The following CARM1 variants were observed in gnomAD, a reference collection of about 807,000 sequenced individuals.
CARM1 encodes coactivator associated arginine methyltransferase 1.
A neutral mutation model predicts 72.7 loss-of-function variants in CARM1; 14 were observed. The ratio of observed to expected loss-of-function variants is 0.19; its 90% CI spans 0.13 to 0.30. The LOEUF is 0.30. Ranked by LOEUF, CARM1 falls within the 10% of genes least tolerant of loss-of-function variation. CARM1 has a pLI of 1.00. For synonymous variants in CARM1, 333 were observed against 345.5 expected (o/e 0.96, Z 0.40); for missense variants, 432 against 833.7 (o/e 0.52, Z 5.93).
At chr19:10,872,489 C>A (rs2073827077) in intron 1 of CARM1, among the ~76,000 whole-genome samples, 1 of 152,092 alleles carries the variant, frequency 6.6e-6, no homozygotes, top group Non-Finnish European at 1.5e-5. Flanking sequence ...TGGGAAACTT[C>A]AGGATCTGGG....
At chr19:10,887,270 C>T (rs967752015) in intron 1 of CARM1, among the ~76,000 whole-genome samples, 9 of 152,232 alleles carry the variant, frequency 5.9e-5, no homozygotes, top group African/African-American at 2.2e-4. Flanking sequence ...CCTGTGTCAC[C>T]GTGTTGGCCA....
intron 1 of CARM1, among the ~76,000 whole-genome samples, chr19:10,878,836 G>A (rs2073881516): frequency 6.8e-6 from 1 of 146,052 alleles, no homozygotes; most frequent in African/African-American, 2.6e-5. Flanking sequence ...ATGGTGTCTC[G>A]CTCTGTTGCC....
chr19:10,905,479 C>T (rs2074096393), intron 2 of CARM1, among the ~76,000 whole-genome samples: 1 of 152,110 alleles, frequency 6.6e-6, no homozygotes. Context: ...AGGGCTTAAC[C>T]AACCCACCTT....
In CARM1 at chr19:10,904,891, G is replaced by A. The variant is rs77517338; in HGVS notation, c.221-60G>A. 7.0e-4 allele frequency: 1,114 copies of A among 1,588,516 alleles called. 5 individuals are homozygous for A. The African/African-American group carries it at 0.013, about 19-fold the overall frequency. On this transcript the variant is annotated intron_variant, in intron 1 of 15. Transcript: ENST00000327064. ...CAGCAGGAGGGCGACAGGGACCCAG[G>A]CTCAAAAGAAGGCAGCTGACAGGGC...
At position 10,878,214 on chromosome 19, in the gene CARM1, A is replaced by G. The variant is rs1207289723; in HGVS notation, c.220+6292A>G. On this transcript the variant is annotated intron_variant, in intron 1 of 15. Transcript: ENST00000327064. ...TTTTGAGAGATTGATTAGGGAAAAA[A>G]ACTAAAACCCAATCCACAAACAACA... is the stretch of plus-strand genomic sequence containing the variant. Among the ~76,000 whole-genome samples the G allele has an allele frequency of 5.3e-5, 8 of 152,214 alleles. No homozygotes were observed. The East Asian group carries it at 1.3e-3, about 26-fold the overall frequency.
At position 10,916,322 on chromosome 19, in the gene CARM1, G is replaced by C; in HGVS notation, c.848-85G>C. The C allele has an allele frequency of 1.1e-6, 1 of 878,732 alleles. No individual in the cohort carries two copies. Among genetic ancestry groups the C allele is most frequent in the Admixed American group, 1.8e-5 (1 of 55,302 alleles). 54.4% of individuals were successfully genotyped at this position (878,732 alleles called of 1,614,324 possible). On this transcript the variant is annotated intron_variant, in intron 6 of 15. Coordinates refer to ENST00000327064, the MANE Select transcript of CARM1 (RefSeq NM_199141.2). This position sits in a 1 kb window ranked among gnomAD's most constrained non-coding sequence, Gnocchi z 4.4. The stretch of plus-strand genomic sequence containing the variant: ...GACAGGCTGGGAGCACCCAGGGTTG[G>C]GGGTCTTGGGGTCCTTTGGAAGCTC...
chr19:10,894,619 G>A (rs1038809692), intron 1 of CARM1, among the ~76,000 whole-genome samples: 1 of 151,924 alleles, frequency 6.6e-6, no homozygotes, highest in Non-Finnish European at 1.5e-5. Flanking sequence ...CCATTTGGTG[G>A]CTACAGTTGT....
At chr19:10,895,097 A>C (rs930303105) in intron 1 of CARM1, among the ~76,000 whole-genome samples, 9 of 151,128 alleles carry the variant, frequency 6.0e-5, no homozygotes, top group Non-Finnish European at 1.3e-4. Context: ...TCACGACAGC[A>C]TGGGAGGTTC....
chr19:10,883,002 G>T (rs1372592560), intron 1 of CARM1, among the ~76,000 whole-genome samples: 1 of 152,228 alleles, frequency 6.6e-6, no homozygotes, highest in Non-Finnish European at 1.5e-5. Flanking sequence ...GGGACCCAGG[G>T]GCCTGCAGGG....
Position 10,871,968 on chromosome 19 carries a change from G to A in CARM1, c.220+46G>A. ...CAGGCGCAGGGCCGGGGCTGCTCAC[G>A]AGGCCGGCCCGGGGCGGGGGCCGGC... On this transcript the variant is annotated intron_variant, in intron 1 of 15. Coordinates refer to ENST00000327064, the MANE Select transcript of CARM1 (RefSeq NM_199141.2). This position sits in a 1 kb window ranked among gnomAD's most constrained non-coding sequence, Gnocchi z 5.6. The A allele has an allele frequency of 1.7e-6, 2 of 1,166,484 alleles. No individual in the cohort carries two copies. Among genetic ancestry groups the A allele is most frequent in the Non-Finnish European group, 1.1e-6 (1 of 945,176 alleles). The allele number at this position is 1,166,484 out of a possible 1,614,324, so 72.3% of individuals were successfully genotyped here.
In CARM1 at chr19:10,913,909, C is replaced by T. The variant is rs778624345; in HGVS notation, c.702C>T (p.Arg234=). ...VLVKSNNLTD[R]IVVIPGKVEE... is the part of the protein sequence containing the mutation. ...TGAAGAGTAACAACCTGACGGACCG[C>T]ATCGTGGTCATCCCGGGCAAGGTGG... The change falls in exon 6 of 16, where the codon CGC becomes CGT. Residue 234 remains arginine, a synonymous_variant. Transcript: ENST00000327064. 1.2e-6 allele frequency: 2 copies of T among 1,613,638 alleles called. No homozygotes were observed. The highest frequency in any genetic ancestry group is 1.7e-6 in the Non-Finnish European group (2 of 1,179,958).
intron 2 of CARM1, among the ~76,000 whole-genome samples, chr19:10,906,448 C>T (rs920866006): frequency 4.6e-5 from 7 of 152,168 alleles, no homozygotes; most frequent in South Asian, 2.1e-4. Flanking sequence ...TTGCTCATCC[C>T]GAACTGTGTC....
At chr19:10,889,183 TG>T (rs1262962853) in intron 1 of CARM1, among the ~76,000 whole-genome samples, 1 of 152,094 alleles carries the variant, frequency 6.6e-6, no homozygotes, top group Admixed American at 6.6e-5. Flanking sequence ...AAGTAGTGCT[TG>T]GGGGCACCAT....
Position 10,913,908 on chromosome 19 carries a change from G to T in CARM1, c.701G>T (p.Arg234Leu). The change falls in exon 6 of 16, where the codon CGC (arginine) becomes CTC (leucine). Residue 234 changes from arginine (R) to leucine (L), a missense_variant. This residue lies in a region of CARM1 where 152 missense variants were observed against 452.8 expected (regional missense o/e 0.34). Transcript: ENST00000327064. ...VLVKSNNLTD[R>L]IVVIPGKVEE... ...GTGAAGAGTAACAACCTGACGGACC[G>T]CATCGTGGTCATCCCGGGCAAGGTG... 2 of 1,613,538 alleles carry T rather than the reference G, an allele frequency of 1.2e-6. No individual in the cohort carries two copies. Among genetic ancestry groups the T allele is most frequent in the Non-Finnish European group, 1.7e-6 (2 of 1,179,934 alleles).
chr19:10,915,106 C>G lies in CARM1; in HGVS notation c.847+1052C>G, dbSNP rs1264477615. Reference sequence around the variant, plus strand: ...GCAGGGGGGAAGCTTCCACTCTCATCTCTGGCCCGCCCTGGATCCAGGCCC... The same window carrying G: ...GCAGGGGGGAAGCTTCCACTCTCATGTCTGGCCCGCCCTGGATCCAGGCCC... On this transcript the variant is annotated intron_variant, in intron 6 of 15. Coordinates refer to ENST00000327064, the MANE Select transcript of CARM1 (RefSeq NM_199141.2). This position sits in a 1 kb window ranked among gnomAD's most constrained non-coding sequence, Gnocchi z 4.6. Among the ~76,000 whole-genome samples, 1 of 152,188 alleles carries G rather than the reference C, an allele frequency of 6.6e-6. No homozygotes were observed. Among genetic ancestry groups the G allele is most frequent in the African/African-American group, 2.4e-5 (1 of 41,438 alleles).
Position 10,922,719 on chromosome 19 carries a change from CA to C in CARM1, c.*969del. On this transcript the variant is annotated 3_prime_UTR_variant, in exon 16 of 16. Coordinates refer to ENST00000327064, the MANE Select transcript of CARM1 (RefSeq NM_199141.2). ...GGGACCTTGCAGGGACCTCTCCCTC[CA>C]AAAAAAGAAAAAAAGAAAAAGAAAG... is the stretch of plus-strand genomic sequence containing the variant. 1 of 151,984 alleles carries C rather than the reference CA, an allele frequency of 6.6e-6. No individual in the cohort carries two copies. The highest frequency in any genetic ancestry group is 1.5e-5 in the Non-Finnish European group (1 of 68,096). 9.4% of individuals were successfully genotyped at this position (151,984 alleles called of 1,614,324 possible). A position where few individuals can be genotyped will look rare whatever the true frequency, so the allele number is the denominator to read the frequency against.
intron 14 of CARM1, 63 bp from the exon 15 acceptor site, chr19:10,921,312 G>A (rs978291993): frequency 1.9e-6 from 3 of 1,578,254 alleles, no homozygotes; most frequent in African/African-American, 1.4e-5. Context: ...GCTGTGCATG[G>A]GCTGGGTGGC....
At position 10,919,606 on chromosome 19, in the gene CARM1, C is replaced by T; in HGVS notation, c.1032C>T (p.Asp344=). ...YFRQPVVDTF[D]IRILMAKSVK... Reference sequence around the variant, plus strand: ...GTGGTCTCTCCCAGGACACATTTGACATCCGGATCCTGATGGCCAAGTCTG... The same window carrying T: ...GTGGTCTCTCCCAGGACACATTTGATATCCGGATCCTGATGGCCAAGTCTG... The change falls in exon 9 of 16, where the codon GAC becomes GAT. Residue 344 remains aspartate (D), a synonymous_variant. Transcript: ENST00000327064. 1 of 1,613,716 alleles carries T rather than the reference C, an allele frequency of 6.2e-7. No individual in the cohort carries two copies. The highest frequency in any genetic ancestry group is 8.5e-7 in the Non-Finnish European group (1 of 1,179,596).
At chr19:10,907,708 G>C (rs1432981107) in intron 2 of CARM1, among the ~76,000 whole-genome samples, 2 of 152,178 alleles carry the variant, frequency 1.3e-5, no homozygotes, top group East Asian at 3.9e-4. Context: ...TTATTTGCCA[G>C]AGCTTTGACT....
Sources: allele counts gnomAD v4.1 joint callset (sites outside exome capture counted in the v4.1 genomes callset), GRCh38; gene constraint gnomAD v4.1.1; regional missense constraint gnomAD v4.1.1; non-coding constraint Gnocchi (gnomAD v3.1); transcripts MANE v1.5; gene names NCBI Gene and HGNC (gene_info 2026-07-23, HGNC 2026-07-21).